Variants in ZAN observed in about 807,000 individuals in gnomAD.
The protein encoded by ZAN is zonadhesin.
In ZAN, 260 loss-of-function variants were observed where a neutral mutation model predicts 286.2. That is an observed-to-expected ratio of 0.91 (90% CI 0.82 to 1.01). The LOEUF is 1.01. Ranked by LOEUF, ZAN falls within the 50% of genes least tolerant of loss-of-function variation. The probability of loss-of-function intolerance (pLI) is 0.00; values close to 1 mark genes in which losing one functional copy is unlikely to be tolerated. For synonymous variants in ZAN, 1,368 were observed against 1,417.5 expected, an observed-to-expected ratio of 0.97 and a Z score of 0.79; for missense variants, 3,410 against 3,639.2, an observed-to-expected ratio of 0.94 and a Z score of 1.62.
chr7:100,737,126 GT>G, intron 5 of ZAN, 46 bp downstream of exon 5: 1 of 1,467,910 alleles, frequency 6.8e-7, no homozygotes. Flanking sequence ...GAGTCTGGGT[GT>G]TGGAGAGCCT....
At chr7:100,774,718 C>T (rs926958824) in intron 31 of ZAN, among the ~76,000 whole-genome samples, 2 of 151,194 alleles carry the variant, frequency 1.3e-5, no homozygotes, top group African/African-American at 2.4e-5. Context: ...CCCAGATACT[C>T]TGGAGGCTGA....
At chr7:100,758,797 T>C in intron 17 of ZAN, 147 bp downstream of exon 17, 2 of 1,339,896 alleles carry the variant, frequency 1.5e-6, no homozygotes, top group Non-Finnish European at 2.0e-6. Flanking sequence ...AGGTGAGGGT[T>C]GAAGGCCAGG....
At chr7:100,749,442 C>T (rs1365155700) in intron 11 of ZAN, among the ~76,000 whole-genome samples, 7 of 150,340 alleles carry the variant, frequency 4.7e-5, no homozygotes, top group South Asian at 4.2e-4. Flanking sequence ...AGATCGAGAC[C>T]ATCCTGGCTA....
rs531773951 is a variant in ZAN, at chr7:100,752,721, C to T, written c.2616C>T (p.Thr872=). ...CCACCATCTCCCCAGAAAAACTCAC[C>T]ATCCCCACGGAAAAACTCACCATCC... ...EKPTISPEKL[T]IPTEKLTIPT... The change falls in exon 14 of 48, where the codon ACC becomes ACT. Residue 872 remains threonine (T), a synonymous_variant. Coordinates refer to ENST00000613979, the MANE Select transcript of ZAN (RefSeq NM_003386.3). The T allele has an allele frequency of 1.3e-6, 2 of 1,543,768 alleles. No homozygotes were observed. The highest frequency in any genetic ancestry group is 1.2e-5 in the South Asian group (1 of 84,768).
rs1238516103 is a variant in ZAN, at chr7:100,767,063, G to T, written c.4666G>T (p.Ala1556Ser). The T allele has an allele frequency of 3.1e-6, 5 of 1,613,810 alleles. No homozygotes were observed. The highest frequency in any genetic ancestry group is 2.2e-5 in the East Asian group (1 of 44,878). Residue 1556 changes from alanine (A) to serine (S), a missense_variant, in exon 25 of 48, where the codon GCC becomes TCC. This residue lies in a region of ZAN where 1,042 missense variants were observed against 1,058.0 expected (regional missense o/e 0.98). Coordinates refer to ENST00000613979, the MANE Select transcript of ZAN (RefSeq NM_003386.3). The part of the protein sequence containing the change: ...GDPHYLTFDG[A>S]LHHFMGTCTY... ...CCCCCACTACCTGACCTTCGATGGC[G>T]CCTTGCACCACTTCATGGGCACCTG...
intron 15 of ZAN, among the ~76,000 whole-genome samples, chr7:100,756,711 T>G (rs1809173633): frequency 6.6e-6 from 1 of 151,992 alleles, no homozygotes; most frequent in Non-Finnish European, 1.5e-5. Flanking sequence ...TTTTTTTTTT[T>G]GACAAACTAT....
intron 15 of ZAN, among the ~76,000 whole-genome samples, chr7:100,756,698 GT>G (rs552977730): frequency 5.9e-4 from 83 of 140,300 alleles, no homozygotes; most frequent in Admixed American, 5.7e-4. Context: ...ATTCACTTTT[GT>G]TTTTTTTTTT....
intron 11 of ZAN, among the ~76,000 whole-genome samples, chr7:100,749,436 C>G (rs62483591): frequency 1.5e-4 from 23 of 150,752 alleles, no homozygotes; most frequent in Non-Finnish European, 2.8e-4. Context: ...GTCAGGAGAT[C>G]GAGACCATCC....
In ZAN at chr7:100,758,223, C is replaced by T. The variant is rs957830486; in HGVS notation, c.3331C>T (p.Pro1111Ser). 1.9e-6 allele frequency: 3 copies of T among 1,613,148 alleles called. No individual in the cohort carries two copies. The highest frequency in any genetic ancestry group is 1.3e-5 in the African/African-American group (1 of 74,914). The change falls in exon 16 of 48, where the codon CCC becomes TCC. Residue 1111 changes from proline to serine, a missense_variant. Physicochemically the swap from Pro to Ser is moderately conservative, Grantham distance 74. This residue lies in a region of ZAN where 1,042 missense variants were observed against 1,058.0 expected (regional missense o/e 0.98). Coordinates refer to ENST00000613979, the MANE Select transcript of ZAN (RefSeq NM_003386.3). ...CCAGCCTGGGGCAGAGTGGTTCAGC[C>T]CCAACTGCACAGAACATTGCCGCTG... is the stretch of plus-strand genomic sequence containing the variant. The part of the protein sequence containing the change: ...YYEPGAEWFS[P>S]NCTEHCRCWP...
rs150170459 is a variant in ZAN, at chr7:100,750,659, C to T, written c.1284C>T (p.Phe428=). ...GHYIYLEADE[F]SQAGQSVRLV... ...ATATCTACCTTGAGGCTGACGAGTT[C>T]TCCCAGGCAGGCCAGTCAGTCAGAC... Residue 428 remains phenylalanine, a synonymous_variant, in exon 12 of 48, where the codon TTC becomes TTT. Coordinates refer to ENST00000613979, the MANE Select transcript of ZAN (RefSeq NM_003386.3). The T allele has an allele frequency of 8.2e-4, 1,323 of 1,613,422 alleles. 14 individuals are homozygous for T. The East Asian group carries it at 0.025, about 30-fold the overall frequency.
In ZAN at chr7:100,763,411, G is replaced by A. The variant is rs370360511; in HGVS notation, c.3987-395G>A. ...TTTAGAGACAGGGCCTTGCTCTGTCGCCCAGGCTGGAGTGCAGTGGTTCAA... is the reference window on the plus strand; with the variant it reads ...TTTAGAGACAGGGCCTTGCTCTGTCACCCAGGCTGGAGTGCAGTGGTTCAA... On this transcript the variant is annotated intron_variant, in intron 20 of 47. Transcript: ENST00000613979. This position sits in a 1 kb window ranked among gnomAD's most constrained non-coding sequence, Gnocchi z 4.6. Among the ~76,000 whole-genome samples, 10 of 151,852 alleles carry A rather than the reference G, an allele frequency of 6.6e-5. No individual in the cohort carries two copies. In the South Asian group the frequency reaches 8.3e-4, roughly 13 times the overall value.
chr7:100,758,673 C>T (rs376280637), intron 17 of ZAN, 23 bp downstream of exon 17: 64 of 1,548,238 alleles, frequency 4.1e-5, no homozygotes, highest in African/African-American at 1.1e-4. Flanking sequence ...GATGCCACTG[C>T]GGCCTGGGGG....
chr7:100,757,391 T>G (rs1229587156), intron 15 of ZAN, among the ~76,000 whole-genome samples: 2 of 152,154 alleles, frequency 1.3e-5, no homozygotes, highest in Admixed American at 6.6e-5. Context: ...CATGGGGTCT[T>G]GGTTTACTCC....
rs758085729 is a variant in ZAN at position 100,773,723 on chromosome 7, C to G, written c.5637C>G (p.Val1879=). 2 of 1,607,954 alleles carry G rather than the reference C, an allele frequency of 1.2e-6. No homozygotes were observed. The stretch of plus-strand genomic sequence containing the variant: ...CAGCTGATCCCTGTGGCCCACAGGT[C>G]GGGGAGCGCTGGTACACAGAGAACA... ...CTDPAGSYHP[V]GERWYTENTC... is the part of the protein sequence containing the mutation. Residue 1879 remains valine (V), a splice_region_variant and synonymous_variant, in exon 31 of 48, where the codon GTC becomes GTG. Transcript: ENST00000613979.
At chr7:100,742,877 GAGGGAGGGGGAGGGGGAC>G (rs1807904192) in intron 7 of ZAN, among the ~76,000 whole-genome samples, 1 of 40,536 alleles carries the variant, frequency 2.5e-5, no homozygotes, top group African/African-American at 9.1e-5. Flanking sequence ...AGACGAGGGA[GAGGGAGGGGGAGGGGGAC>G]GGGGACGATC....
rs769661374 is a variant in ZAN, at chr7:100,779,751, G to GT, written c.6622+2dup. On this transcript the variant is annotated splice_donor_variant, in intron 35 of 47. Coordinates refer to ENST00000613979, the MANE Select transcript of ZAN (RefSeq NM_003386.3). LOFTEE classifies it high-confidence loss of function. The stretch of plus-strand genomic sequence containing the variant: ...CTCTGGAGAAACAGCAGCTTCTGCC[G>GT]TGAGTGTGCCCTGCTGTCACCCCAA... 6 of 1,548,754 alleles carry GT rather than the reference G, an allele frequency of 3.9e-6. No individual in the cohort carries two copies. In the South Asian group the frequency reaches 7.1e-5, roughly 18 times the overall value.
At chr7:100,793,543 G>A (rs1454908930) in intron 42 of ZAN, among the ~76,000 whole-genome samples, 1 of 151,844 alleles carries the variant, frequency 6.6e-6, no homozygotes, top group African/African-American at 2.4e-5. Context: ...GGGTTCAAGC[G>A]ATTCTTGTCT....
At chr7:100,758,947 G>A (rs1211103412) in intron 17 of ZAN, among the ~76,000 whole-genome samples, 4 of 151,982 alleles carry the variant, frequency 2.6e-5, no homozygotes. Flanking sequence ...AATCAGGCCG[G>A]GCTCAGTGGC....
At chr7:100,744,989 T>G (rs1241580440) in intron 7 of ZAN, among the ~76,000 whole-genome samples, 1 of 151,340 alleles carries the variant, frequency 6.6e-6, no homozygotes, top group Non-Finnish European at 1.5e-5. Context: ...GTTTAAGCGA[T>G]TCTCCTGCCT....
Sources: allele counts gnomAD v4.1 joint callset (sites outside exome capture counted in the v4.1 genomes callset), GRCh38; gene constraint gnomAD v4.1.1; regional missense constraint gnomAD v4.1.1; non-coding constraint Gnocchi (gnomAD v3.1); transcripts MANE v1.5; gene names NCBI Gene and HGNC (gene_info 2026-07-23, HGNC 2026-07-21).